GALNT13: variants seen among roughly 807,000 people sequenced by gnomAD.
The protein encoded by GALNT13 is polypeptide N-acetylgalactosaminyltransferase 13, also known as UDP-GalNAc:polypeptide N-acetylgalactosaminyltransferase 13.
Under a neutral mutation model 64.2 loss-of-function variants are expected in GALNT13, and 28 were observed. That is an observed-to-expected ratio of 0.44 (90% CI 0.32 to 0.60). The LOEUF is 0.60. GALNT13 is among the 20% of genes least tolerant of loss of function. The pLI, the probability that GALNT13 is intolerant of heterozygous loss-of-function variation, is 0.05. For synonymous variants in GALNT13, 214 were observed against 224.6 expected, an observed-to-expected ratio of 0.95 and a Z score of 0.42; for missense variants, 577 against 669.8, an observed-to-expected ratio of 0.86 and a Z score of 1.53.
the GALNT13 span, among the ~76,000 whole-genome samples, chr2:153,631,494 A>C: frequency 6.6e-6 from 1 of 152,220 alleles, no homozygotes; most frequent in Admixed American, 6.5e-5. Context: ...CTTTTTAATG[A>C]TCGCCGTTCT....
the GALNT13 span, among the ~76,000 whole-genome samples, chr2:153,516,403 G>T: frequency 9.2e-5 from 14 of 152,120 alleles, no homozygotes; most frequent in African/African-American, 3.4e-4. Flanking sequence ...TTAGGAGTTA[G>T]GAGACTTTGC....
chr2:153,376,095 C>T, the GALNT13 span, among the ~76,000 whole-genome samples: 1 of 152,126 alleles, frequency 6.6e-6, no homozygotes, highest in Admixed American at 6.6e-5. Flanking sequence ...GACCCAAACA[C>T]CCCCAACTAG....
At chr2:154,198,656 T>C (rs1687009617) in intron 4 of GALNT13, among the ~76,000 whole-genome samples, 1 of 151,664 alleles carries the variant, frequency 6.6e-6, no homozygotes, top group African/African-American at 2.4e-5. Flanking sequence ...CATATAACCT[T>C]TCTGGCTGAA....
intron 4 of GALNT13, among the ~76,000 whole-genome samples, chr2:154,161,118 C>T (rs1156994508): frequency 6.6e-6 from 1 of 152,090 alleles, no homozygotes; most frequent in South Asian, 2.1e-4. Flanking sequence ...CTGCTTCCTA[C>T]TTGAGTTTCT....
the GALNT13 span, among the ~76,000 whole-genome samples, chr2:153,116,759 A>G: frequency 2.0e-5 from 3 of 148,306 alleles, no homozygotes; most frequent in Admixed American, 1.3e-4. Flanking sequence ...TGACCACAAC[A>G]TTGAGGATGC....
At chr2:153,351,368 T>C in the GALNT13 span, among the ~76,000 whole-genome samples, 1 of 152,170 alleles carries the variant, frequency 6.6e-6, no homozygotes, top group Non-Finnish European at 1.5e-5. Flanking sequence ...GAGATTTCCA[T>C]TATACCCCCT....
the GALNT13 span, among the ~76,000 whole-genome samples, chr2:153,509,476 C>CTT: frequency 1.3e-5 from 2 of 152,238 alleles, no homozygotes; most frequent in Non-Finnish European, 2.9e-5. Context: ...GAACTTGAAA[C>CTT]TGTTTTAATA....
chr2:154,252,179 A>C (rs1690103965), intron 7 of GALNT13, among the ~76,000 whole-genome samples: 1 of 151,866 alleles, frequency 6.6e-6, no homozygotes, highest in Non-Finnish European at 1.5e-5. Flanking sequence ...TTGCCAAGTA[A>C]GATTAAATAG....
At chr2:153,100,668 T>C in the GALNT13 span, among the ~76,000 whole-genome samples, 2 of 152,212 alleles carry the variant, frequency 1.3e-5, no homozygotes, top group Non-Finnish European at 2.9e-5. Flanking sequence ...TAAATGTCTT[T>C]CTTCATTAAC....
intron 3 of GALNT13, among the ~76,000 whole-genome samples, chr2:154,094,678 A>C (rs562770478): frequency 2.0e-5 from 3 of 152,080 alleles, no homozygotes; most frequent in African/African-American, 7.2e-5. Flanking sequence ...AGTCATACAT[A>C]ATATTTAATT....
the GALNT13 span, among the ~76,000 whole-genome samples, chr2:153,175,333 C>T: frequency 1.3e-5 from 2 of 152,072 alleles, no homozygotes; most frequent in African/African-American, 4.8e-5. Context: ...TTATATGTCG[C>T]AGAGTGGGAA....
intron 9 of GALNT13, among the ~76,000 whole-genome samples, chr2:154,356,693 C>G (rs563034848): frequency 8.6e-4 from 131 of 151,932 alleles, no homozygotes; most frequent in African/African-American, 3.0e-3. Context: ...ATTTACTTAC[C>G]TTTTTATTAC....
chr2:153,073,820 T>C, the GALNT13 span, among the ~76,000 whole-genome samples: 2 of 152,210 alleles, frequency 1.3e-5, no homozygotes, highest in African/African-American at 2.4e-5. Flanking sequence ...TTGTCTGACA[T>C]GTTGCTTAAA....
chr2:153,201,979 T>TC, the GALNT13 span, among the ~76,000 whole-genome samples: 2 of 145,832 alleles, frequency 1.4e-5, no homozygotes, highest in South Asian at 2.3e-4. Flanking sequence ...ATTTCTTTTT[T>TC]TTTTTTTTTT....
chr2:153,300,372 G>A, the GALNT13 span, among the ~76,000 whole-genome samples: 1 of 152,040 alleles, frequency 6.6e-6, no homozygotes, highest in Non-Finnish European at 1.5e-5. Flanking sequence ...ATTGCAGAAG[G>A]GTGAAAAAGA....
chr2:154,025,206 A>G (rs1337772183), intron 3 of GALNT13, among the ~76,000 whole-genome samples: 1 of 152,058 alleles, frequency 6.6e-6, no homozygotes, highest in Non-Finnish European at 1.5e-5. Context: ...GAGAACTACT[A>G]CTTTCTTCCA....
At chr2:153,742,156 A>G in the GALNT13 span, among the ~76,000 whole-genome samples, 1 of 152,170 alleles carries the variant, frequency 6.6e-6, no homozygotes, top group South Asian at 2.1e-4. Flanking sequence ...TCTGTAAATC[A>G]CCATTCTACT....
chr2:153,409,273 CAT>C, the GALNT13 span, among the ~76,000 whole-genome samples: 74 of 126,032 alleles, frequency 5.9e-4, 2 homozygotes, highest in South Asian at 0.019. Context: ...AACTCCCTTT[CAT>C]ATATATATAT....
the GALNT13 span, among the ~76,000 whole-genome samples, chr2:153,686,869 A>T: frequency 6.6e-6 from 1 of 152,078 alleles, no homozygotes; most frequent in Non-Finnish European, 1.5e-5. Flanking sequence ...CAATTTTATC[A>T]AAAGCTTTTT....
Sources: allele counts gnomAD v4.1 joint callset (sites outside exome capture counted in the v4.1 genomes callset), GRCh38; gene constraint gnomAD v4.1.1; transcripts MANE v1.5; gene names NCBI Gene and HGNC (gene_info 2026-07-23, HGNC 2026-07-21).